Variants in PRICKLE2 observed in about 807,000 individuals in gnomAD.
PRICKLE2 encodes the protein prickle planar cell polarity protein 2, also known as prickle-like protein 2.
Under a neutral mutation model 81.4 loss-of-function variants are expected in PRICKLE2, and 21 were observed. That is an observed-to-expected ratio of 0.26 (90% CI 0.18 to 0.37). The LOEUF is 0.37. Ranked by LOEUF, PRICKLE2 falls within the 10% of genes least tolerant of loss-of-function variation. The probability of loss-of-function intolerance (pLI) is 1.00; values close to 1 mark genes in which losing one functional copy is unlikely to be tolerated. For missense variants in PRICKLE2, 940 were observed against 1,109.0 expected (o/e 0.85, Z 2.16); for synonymous variants, 456 against 421.5 (o/e 1.08, Z -1.00).
chr3:64,260,648 A>T (rs1262867740), intron 2 of PRICKLE2, among the ~76,000 whole-genome samples: 1 of 152,206 alleles, frequency 6.6e-6, no homozygotes, highest in Non-Finnish European at 1.5e-5. Flanking sequence ...GGGGAAGGAC[A>T]TCCTCTTCCC....
At chr3:64,114,738 T>G (rs1290280635) in intron 7 of PRICKLE2, among the ~76,000 whole-genome samples, 1 of 151,552 alleles carries the variant, frequency 6.6e-6, no homozygotes, top group Non-Finnish European at 1.5e-5. Flanking sequence ...AGGGACCAAA[T>G]CTATGACTGA....
intron 3 of PRICKLE2, among the ~76,000 whole-genome samples, chr3:64,161,359 T>G (rs1203526839): frequency 6.6e-6 from 1 of 152,240 alleles, no homozygotes; most frequent in African/African-American, 2.4e-5. Context: ...TCAGAAAGGT[T>G]AAGTGAATTG....
chr3:64,257,369 G>T (rs2079541376), intron 2 of PRICKLE2, among the ~76,000 whole-genome samples: 1 of 152,166 alleles, frequency 6.6e-6, no homozygotes, highest in Non-Finnish European at 1.5e-5. Flanking sequence ...TCCAAACACT[G>T]GGGATGGGAG....
At chr3:64,227,833 C>T (rs893711058), upstream of PRICKLE2, among the ~76,000 whole-genome samples, 21 of 152,148 alleles carry the variant, frequency 1.4e-4, no homozygotes, top group African/African-American at 5.1e-4. Flanking sequence ...CATGCTTCCA[C>T]CATTAACTTC....
upstream of PRICKLE2, among the ~76,000 whole-genome samples, chr3:64,228,735 A>G (rs895485094): frequency 1.3e-5 from 2 of 152,136 alleles, no homozygotes; most frequent in African/African-American, 2.4e-5. Context: ...AACTCAACCA[A>G]ATGTTTATTA....
At chr3:64,204,081 T>C (rs2107124986) in intron 1 of PRICKLE2, among the ~76,000 whole-genome samples, 1 of 152,204 alleles carries the variant, frequency 6.6e-6, no homozygotes, top group Admixed American at 6.5e-5. Flanking sequence ...CAAGGCCTGC[T>C]CTAGGTACTT....
At chr3:64,193,217 A>C (rs1240308272) in intron 2 of PRICKLE2, among the ~76,000 whole-genome samples, 1 of 152,160 alleles carries the variant, frequency 6.6e-6, no homozygotes, top group African/African-American at 2.4e-5. Context: ...GGTCAAAACT[A>C]AACCCTCAGC....
chr3:64,109,769 G>A (rs1240723226), intron 7 of PRICKLE2, among the ~76,000 whole-genome samples: 1 of 152,146 alleles, frequency 6.6e-6, no homozygotes, highest in African/African-American at 2.4e-5. Flanking sequence ...CAACAATAGC[G>A]GCTTTGTTTT....
At chr3:64,160,228 T>C (rs1404953643) in intron 3 of PRICKLE2, 151 bp from the exon 4 acceptor site, 2 of 821,392 alleles carry the variant, frequency 2.4e-6, no homozygotes, top group African/African-American at 3.4e-5. Context: ...TGGAGAGATT[T>C]AAGGTGAGTC....
At chr3:64,201,397 T>C (rs1003512106) in intron 1 of PRICKLE2, among the ~76,000 whole-genome samples, 1 of 152,254 alleles carries the variant, frequency 6.6e-6, no homozygotes, top group Non-Finnish European at 1.5e-5. Context: ...CATATTCTTG[T>C]CACATTTGTT....
At chr3:64,168,557 G>A (rs952666973) in intron 2 of PRICKLE2, among the ~76,000 whole-genome samples, 2 of 152,172 alleles carry the variant, frequency 1.3e-5, no homozygotes, top group Non-Finnish European at 2.9e-5. Flanking sequence ...GGCTTGACGC[G>A]TTTTTATACA....
intron 2 of PRICKLE2, among the ~76,000 whole-genome samples, chr3:64,250,404 G>A (rs2079428634): frequency 6.6e-6 from 1 of 152,148 alleles, no homozygotes; most frequent in Non-Finnish European, 1.5e-5. Context: ...GGGCCAGGTG[G>A]GGAGTTCAAA....
chr3:64,133,264 T>C (rs2077224052), intron 7 of PRICKLE2, among the ~76,000 whole-genome samples: 2 of 152,134 alleles, frequency 1.3e-5, no homozygotes, highest in Non-Finnish European at 1.5e-5. Context: ...GACCTGGACA[T>C]GTACGGCTCA....
chr3:64,168,672 T>A (rs2077877619), intron 2 of PRICKLE2, among the ~76,000 whole-genome samples: 1 of 152,170 alleles, frequency 6.6e-6, no homozygotes. Context: ...TGAGCTTGAC[T>A]TCCCCATCCT....
Position 64,098,856 on chromosome 3 carries a change from AAAT to A in PRICKLE2, c.*192_*194del, listed in dbSNP as rs2076607008. 8 of 642,128 alleles carry A rather than the reference AAAT, an allele frequency of 1.2e-5. No homozygotes were observed. Among genetic ancestry groups the A allele is most frequent in the Non-Finnish European group, 1.9e-5 (7 of 364,172 alleles). 39.8% of individuals were successfully genotyped at this position (642,128 alleles called of 1,614,324 possible). Reference sequence around the variant, plus strand: ...ACTGTGTTTCCAAAGTGAAATGTGCAAATAATATTCAACATGCCAAGAACTGTG... The same window carrying A: ...ACTGTGTTTCCAAAGTGAAATGTGCAAATATTCAACATGCCAAGAACTGTG... On this transcript the variant is annotated 3_prime_UTR_variant, in exon 8 of 8. Transcript: ENST00000638394.
rs558145074 is a variant in PRICKLE2, at chr3:64,096,188, G to A, written c.*2863C>T. The stretch of plus-strand genomic sequence containing the variant: ...GGGAAAAATAACAACCAGGGCATTG[G>A]AGAAGAGAGAACGCTGGAAAAAGAT... On this transcript the variant is annotated 3_prime_UTR_variant, in exon 8 of 8. Coordinates refer to ENST00000638394, the MANE Select transcript of PRICKLE2 (RefSeq NM_198859.4). The A allele has an allele frequency of 6.6e-6, 1 of 152,250 alleles. No homozygotes were observed. Among genetic ancestry groups the A allele is most frequent in the Non-Finnish European group, 1.5e-5 (1 of 68,076 alleles). The allele number at this position is 152,250 out of a possible 1,614,324, so 9.4% of individuals were successfully genotyped here. A position where few individuals can be genotyped will look rare whatever the true frequency, so the allele number is the denominator to read the frequency against.
Position 64,099,468 on chromosome 3 carries a change from C to T in PRICKLE2, c.2118G>A (p.Glu706=). ...GCCTATCTTTTAACCGGGAGATGGC[C>T]TCGCGTTCGCTGGCCAGGTGGAGGG... ...DNALHLASER[E]AISRLKDRPP... is the part of the protein sequence containing the mutation. Residue 706 remains glutamate (E), a synonymous_variant, in exon 8 of 8, where the codon GAG becomes GAA. Transcript: ENST00000638394. This position sits in a 1 kb window ranked among gnomAD's most constrained non-coding sequence, Gnocchi z 4.3. 1 of 1,583,372 alleles carries T rather than the reference C, an allele frequency of 6.3e-7. No individual in the cohort carries two copies.
At chr3:64,141,759 T>C (rs1229164883) in intron 7 of PRICKLE2, 1 of 978,480 alleles carries the variant, frequency 1.0e-6, no homozygotes, top group African/African-American at 1.7e-5. Context: ...TTCAGATCTG[T>C]TCTGAGGAAA....
Position 64,198,954 on chromosome 3 carries a change from G to A in PRICKLE2, c.-27C>T, listed in dbSNP as rs775229452. 8.7e-6 allele frequency: 14 copies of A among 1,613,788 alleles called. No homozygotes were observed. Among genetic ancestry groups the A allele is most frequent in the South Asian group, 1.1e-5 (1 of 91,076 alleles). ...TGCTCCTCCTGGGGACACTTGCAGT[G>A]CAGGCAGATCTTCCTGCAGGCAGTA... On this transcript the variant is annotated 5_prime_UTR_variant, in exon 2 of 8. Transcript: ENST00000638394.
Sources: gnomAD v4.1 joint callset for allele counts (sites outside exome capture counted in the v4.1 genomes callset) on GRCh38, gnomAD v4.1.1 for gene constraint, Gnocchi (gnomAD v3.1) non-coding constraint, MANE v1.5 for transcripts, NCBI Gene and HGNC (gene_info 2026-07-23, HGNC 2026-07-21) for gene names.